Variants in PCSK5 observed in about 807,000 individuals in gnomAD.
PCSK5 encodes proprotein convertase subtilisin/kexin type 5, also known as prohormone convertase 5.
Under a neutral mutation model 233.2 loss-of-function variants are expected in PCSK5, and 129 were observed. The ratio of observed to expected loss-of-function variants is 0.55; its 90% CI spans 0.48 to 0.64. The LOEUF (loss-of-function observed/expected upper bound fraction) is 0.64, where lower values mean the gene tolerates loss of function less well. PCSK5 is among the 30% of genes least tolerant of loss of function. The probability of loss-of-function intolerance (pLI) is 0.00; values close to 1 mark genes in which losing one functional copy is unlikely to be tolerated. For missense variants in PCSK5, 2,076 were observed against 2,430.1 expected, an observed-to-expected ratio of 0.85 and a Z score of 3.06; for synonymous variants, 825 against 879.2, an observed-to-expected ratio of 0.94 and a Z score of 1.09.
intron 27 of PCSK5, among the ~76,000 whole-genome samples, chr9:76,299,514 C>CA (rs563150877): frequency 1.3e-3 from 190 of 151,758 alleles, no homozygotes; most frequent in African/African-American, 4.2e-3. Flanking sequence ...ACTAAAAATA[C>CA]AAAAAAAATT....
At chr9:76,179,754 C>T in intron 15 of PCSK5, 56 bp downstream of exon 15, 3 of 1,210,526 alleles carry the variant, frequency 2.5e-6, no homozygotes, top group Non-Finnish European at 3.7e-6. Flanking sequence ...CTTAGGAGTT[C>T]CTGCAAGGCT....
intron 29 of PCSK5, among the ~76,000 whole-genome samples, 154 bp from the exon 30 acceptor site, chr9:76,310,502 A>T (rs1338333456): frequency 6.6e-6 from 1 of 152,198 alleles, no homozygotes; most frequent in Non-Finnish European, 1.5e-5. Flanking sequence ...AATGTAACTC[A>T]TCCTGGAGGA....
intron 5 of PCSK5, among the ~76,000 whole-genome samples, chr9:76,054,051 G>A (rs1320872883): frequency 6.6e-6 from 1 of 152,190 alleles, no homozygotes; most frequent in Non-Finnish European, 1.5e-5. Flanking sequence ...TGTCTTACAT[G>A]GCGGCAGGCA....
At chr9:76,046,176 T>TTTTTTTTTG (rs1829377107) in intron 5 of PCSK5, among the ~76,000 whole-genome samples, 1 of 113,510 alleles carries the variant, frequency 8.8e-6, no homozygotes, top group Admixed American at 9.2e-5. Flanking sequence ...TTTTTTTTTT[T>TTTTTTTTTG]TTTTTTTTTT....
chr9:76,054,693 A>G (rs1304799382), intron 5 of PCSK5, among the ~76,000 whole-genome samples: 3 of 152,244 alleles, frequency 2.0e-5, no homozygotes, highest in Admixed American at 6.5e-5. Flanking sequence ...ATAAACTCAC[A>G]GAAATTTGCA....
intron 1 of PCSK5, among the ~76,000 whole-genome samples, chr9:75,896,261 A>C (rs1825799955): frequency 6.6e-6 from 1 of 152,122 alleles, no homozygotes; most frequent in East Asian, 1.9e-4. Flanking sequence ...CCTCATAGAT[A>C]AGGAATGGTT....
intron 9 of PCSK5, among the ~76,000 whole-genome samples, chr9:76,131,915 AT>A (rs964240804): frequency 6.6e-6 from 1 of 152,086 alleles, no homozygotes; most frequent in Non-Finnish European, 1.5e-5. Flanking sequence ...TGATTTAGAT[AT>A]TTTCGTCAAA....
chr9:76,202,336 C>A (rs1350644493), intron 20 of PCSK5, among the ~76,000 whole-genome samples: 2 of 152,188 alleles, frequency 1.3e-5, no homozygotes, highest in South Asian at 4.1e-4. Context: ...CCTGAACACA[C>A]CCCATCTGTC....
At chr9:76,178,772 C>G (rs897798267) in intron 14 of PCSK5, among the ~76,000 whole-genome samples, 4 of 152,008 alleles carry the variant, frequency 2.6e-5, no homozygotes, top group African/African-American at 7.2e-5. Flanking sequence ...ACCAAATGTT[C>G]CAGAATATGG....
chr9:76,159,801 G>T (rs930725337), intron 12 of PCSK5, among the ~76,000 whole-genome samples: 11 of 148,254 alleles, frequency 7.4e-5, no homozygotes, highest in Non-Finnish European at 1.5e-4. Flanking sequence ...TGTTTTTAAG[G>T]TTGCCTCTTC....
At chr9:76,233,235 C>G (rs1316044616) in intron 21 of PCSK5, among the ~76,000 whole-genome samples, 3 of 152,162 alleles carry the variant, frequency 2.0e-5, no homozygotes, top group Admixed American at 6.6e-5. Flanking sequence ...ATTGTTTTCC[C>G]AGCCAGTTTC....
At chr9:76,311,104 G>A (rs1353341511) in intron 30 of PCSK5, among the ~76,000 whole-genome samples, 3 of 152,114 alleles carry the variant, frequency 2.0e-5, no homozygotes, top group Non-Finnish European at 2.9e-5. Flanking sequence ...GGCTGGGCGT[G>A]GTGGCTCACA....
At chr9:76,230,464 A>G (rs2131314496) in intron 21 of PCSK5, among the ~76,000 whole-genome samples, 1 of 152,258 alleles carries the variant, frequency 6.6e-6, no homozygotes, top group South Asian at 2.1e-4. Context: ...CATTAATGGG[A>G]GATTACTTCT....
intron 8 of PCSK5, among the ~76,000 whole-genome samples, chr9:76,098,505 G>A (rs993878577): frequency 1.3e-5 from 2 of 152,164 alleles, no homozygotes; most frequent in East Asian, 1.9e-4. Context: ...CCACTAGCAC[G>A]GAGTGACATC....
intron 2 of PCSK5, among the ~76,000 whole-genome samples, chr9:75,949,655 G>C (rs1278456000): frequency 2.0e-5 from 3 of 152,098 alleles, no homozygotes; most frequent in Middle Eastern, 3.4e-3. Context: ...AGCCTCCCAA[G>C]TAGCTGGGAC....
chr9:76,056,877 T>C (rs930768622), intron 5 of PCSK5, among the ~76,000 whole-genome samples: 3 of 152,212 alleles, frequency 2.0e-5, no homozygotes, highest in African/African-American at 7.2e-5. Flanking sequence ...CATTGGTCTG[T>C]AGATCAATTA....
rs1282696837 is a variant in PCSK5 at position 76,071,737 on chromosome 9, C to A, written c.733C>A (p.Leu245Met). The A allele has an allele frequency of 6.2e-7, 1 of 1,611,950 alleles. No homozygotes were observed. Among genetic ancestry groups the A allele is most frequent in the Non-Finnish European group, 8.5e-7 (1 of 1,179,048 alleles). The change falls in exon 7 of 38, where the codon CTG becomes ATG. Residue 245 changes from leucine to methionine, a missense_variant. This residue lies in a region of PCSK5 where 178 missense variants were observed against 393.6 expected (regional missense o/e 0.45). Coordinates refer to ENST00000674117, the MANE Select transcript of PCSK5 (RefSeq NM_001372043.1). ...FNAKIGGVRM[L>M]DGDVTDMVEA... is the part of the protein sequence containing the mutation. ...TTTCTGTGTTGAAGGAGTGCGAATG[C>A]TGGACGGAGATGTCACGGACATGGT...
intron 32 of PCSK5, 78 bp downstream of exon 32, chr9:76,323,366 C>A: frequency 1.2e-6 from 1 of 814,006 alleles, no homozygotes; most frequent in Non-Finnish European, 2.0e-6. Flanking sequence ...GAGCTGTCAT[C>A]TCAATCTTTT....
intron 35 of PCSK5, among the ~76,000 whole-genome samples, chr9:76,339,938 T>C (rs1302716066): frequency 2.6e-5 from 4 of 152,180 alleles, no homozygotes; most frequent in Admixed American, 2.6e-4. Context: ...TTCTAGAAGC[T>C]AGAACTACCC....
Sources: gnomAD v4.1 joint callset for allele counts (sites outside exome capture counted in the v4.1 genomes callset) on GRCh38, gnomAD v4.1.1 for gene constraint, gnomAD v4.1.1 regional missense constraint, MANE v1.5 for transcripts, NCBI Gene and HGNC (gene_info 2026-07-23, HGNC 2026-07-21) for gene names.